Variants in MAP4 observed in about 807,000 individuals in gnomAD.
MAP4 encodes the protein microtubule-associated protein 4.
Under a neutral mutation model 170.2 loss-of-function variants are expected in MAP4, and 76 were observed. The observed-to-expected ratio is 0.45, with a 90% confidence interval of 0.37 to 0.54. The LOEUF is 0.54. Ranked by LOEUF, MAP4 falls within the 20% of genes least tolerant of loss-of-function variation. The pLI, the probability that MAP4 is intolerant of heterozygous loss-of-function variation, is 0.00. For missense variants in MAP4, 2,506 were observed against 2,748.0 expected, an observed-to-expected ratio of 0.91 and a Z score of 1.97; for synonymous variants, 909 against 994.5, an observed-to-expected ratio of 0.91 and a Z score of 1.62.
At chr3:48,057,419 G>T (rs1442755485) in intron 1 of MAP4, among the ~76,000 whole-genome samples, 1 of 125,928 alleles carries the variant, frequency 7.9e-6, no homozygotes, top group Non-Finnish European at 1.7e-5. Flanking sequence ...CAGCATGCTC[G>T]TTAAGAGTCA....
chr3:48,085,866 C>T (rs529269984), intron 1 of MAP4, among the ~76,000 whole-genome samples: 6 of 152,078 alleles, frequency 3.9e-5, no homozygotes, highest in East Asian at 1.9e-4. Flanking sequence ...ACCACCCTAA[C>T]ACAGTGAAAC....
intron 17 of MAP4, among the ~76,000 whole-genome samples, chr3:47,859,843 A>G (rs1188912678): frequency 1.3e-5 from 2 of 152,182 alleles, no homozygotes; most frequent in Non-Finnish European, 1.5e-5. Flanking sequence ...CATCTCCAAA[A>G]TGGAAGTTTA....
At chr3:47,867,207 C>T in intron 17 of MAP4, 39 bp downstream of exon 17, 3 of 1,390,192 alleles carry the variant, frequency 2.2e-6, no homozygotes, top group Non-Finnish European at 3.1e-6. Flanking sequence ...CCACAGTGGG[C>T]TATATCTCAG....
chr3:47,907,816 A>ATT (rs373551655), intron 9 of MAP4, among the ~76,000 whole-genome samples: 1 of 152,324 alleles, frequency 6.6e-6, no homozygotes, highest in Non-Finnish European at 1.5e-5. Flanking sequence ...ATACTATTTC[A>ATT]TTTTCTGCCT....
chr3:47,927,861 A>T (rs1333232001), intron 4 of MAP4, among the ~76,000 whole-genome samples: 2 of 152,200 alleles, frequency 1.3e-5, no homozygotes, highest in Non-Finnish European at 2.9e-5. Flanking sequence ...TTAGGTAAGA[A>T]ATACCGATAA....
At chr3:47,889,585 G>GGAT (rs765260725) in intron 10 of MAP4, among the ~76,000 whole-genome samples, 22 of 152,214 alleles carry the variant, frequency 1.4e-4, no homozygotes, top group Non-Finnish European at 2.5e-4. Flanking sequence ...TTTATCGGGT[G>GGAT]AATGGATCGG....
At chr3:47,955,945 C>G (rs369843292) in intron 3 of MAP4, among the ~76,000 whole-genome samples, 1 of 152,242 alleles carries the variant, frequency 6.6e-6, no homozygotes, top group East Asian at 1.9e-4. Context: ...AATCACTGCC[C>G]AGACTTCTAG....
chr3:47,897,065 G>T (rs1221689403), intron 10 of MAP4, among the ~76,000 whole-genome samples: 3 of 152,196 alleles, frequency 2.0e-5, no homozygotes, highest in Non-Finnish European at 4.4e-5. Context: ...GTTTCTGACT[G>T]CCAGTCTTCC....
At chr3:48,049,442 G>A (rs544998994) in intron 1 of MAP4, among the ~76,000 whole-genome samples, 41 of 128,754 alleles carry the variant, frequency 3.2e-4, no homozygotes, top group African/African-American at 9.5e-4. Context: ...TAACATAACC[G>A]TACCCTGTCT....
intron 3 of MAP4, among the ~76,000 whole-genome samples, chr3:47,954,263 T>C (rs2100066355): frequency 6.6e-6 from 1 of 152,064 alleles, no homozygotes; most frequent in Non-Finnish European, 1.5e-5. Flanking sequence ...GTTCCCTGAT[T>C]TAAAGGGGTA....
At chr3:48,053,819 C>T (rs918542424) in intron 1 of MAP4, among the ~76,000 whole-genome samples, 9 of 152,016 alleles carry the variant, frequency 5.9e-5, no homozygotes, top group African/African-American at 2.2e-4. Context: ...AGGAATGATG[C>T]TTATATCGAG....
chr3:48,003,456 A>T (rs1195996793), intron 1 of MAP4, among the ~76,000 whole-genome samples: 1 of 25,406 alleles, frequency 3.9e-5, no homozygotes, highest in African/African-American at 7.4e-5. Context: ...TCCTTCTCAA[A>T]AAAAAAAAAA....
chr3:47,892,429 G>T (rs2100024495), intron 10 of MAP4: 1 of 1,536,182 alleles, frequency 6.5e-7, no homozygotes. Context: ...CTGCAGGCTT[G>T]CCCTTACTGA....
At chr3:47,860,394 A>C (rs971419483) in intron 17 of MAP4, among the ~76,000 whole-genome samples, 2 of 152,208 alleles carry the variant, frequency 1.3e-5, no homozygotes, top group African/African-American at 4.8e-5. Flanking sequence ...GGGTTTCGCC[A>C]AGTGGCCCAG....
intron 1 of MAP4, among the ~76,000 whole-genome samples, chr3:48,031,870 AACACACACATAC>A (rs113851383): frequency 0.013 from 1,930 of 151,958 alleles, 44 homozygotes; most frequent in African/African-American, 0.043. Context: ...GATAAAGCAA[AACACACACATAC>A]ACACACACAT....
chr3:48,054,396 G>T (rs528119612), intron 1 of MAP4, among the ~76,000 whole-genome samples: 1 of 152,100 alleles, frequency 6.6e-6, no homozygotes, highest in South Asian at 2.1e-4. Flanking sequence ...GCCAAGGTGG[G>T]TGGATCATGA....
At chr3:48,047,177 A>G (rs962123052) in intron 1 of MAP4, among the ~76,000 whole-genome samples, 4 of 152,120 alleles carry the variant, frequency 2.6e-5, no homozygotes, top group Non-Finnish European at 4.4e-5. Flanking sequence ...GAGGGATGGC[A>G]AGTGTTCAGT....
intron 3 of MAP4, among the ~76,000 whole-genome samples, chr3:47,953,500 T>G (rs999422166): frequency 3.9e-5 from 6 of 152,156 alleles, no homozygotes; most frequent in African/African-American, 1.4e-4. Context: ...CCAGCCTGAG[T>G]GACCGAGTGA....
At chr3:48,082,512 T>C (rs1182068361) in intron 1 of MAP4, among the ~76,000 whole-genome samples, 1 of 152,204 alleles carries the variant, frequency 6.6e-6, no homozygotes, top group African/African-American at 2.4e-5. Flanking sequence ...AATCAAGTTA[T>C]CAAAGTTAAC....
Sources: allele counts gnomAD v4.1 joint callset (sites outside exome capture counted in the v4.1 genomes callset), GRCh38; gene constraint gnomAD v4.1.1; transcripts MANE v1.5; gene names NCBI Gene and HGNC (gene_info 2026-07-23, HGNC 2026-07-21).